The following SCHIP1 variants were observed in gnomAD, a reference collection of about 807,000 sequenced individuals.
SCHIP1 encodes schwannomin-interacting protein 1.
Under a neutral mutation model 29.7 loss-of-function variants are expected in SCHIP1, and 8 were observed. That is an observed-to-expected ratio of 0.27 (90% CI 0.16 to 0.49). SCHIP1 has a LOEUF of 0.49. Among genes scored for constraint, SCHIP1 ranks in the 20% least tolerant of loss-of-function variants. The pLI is 0.99. For synonymous variants in SCHIP1, 76 were observed against 94.9 expected (o/e 0.80, Z 1.16); for missense variants, 193 against 294.6 (o/e 0.66, Z 2.52).
chr3:159,878,151 C>G (rs1716031369), intron 2 of SCHIP1, among the ~76,000 whole-genome samples: 1 of 152,214 alleles, frequency 6.6e-6, no homozygotes, highest in Non-Finnish European at 1.5e-5. Flanking sequence ...TGCTAATCAT[C>G]AACTCGGTCA....
chr3:159,563,345 T>C, the SCHIP1 span, among the ~76,000 whole-genome samples: 1 of 152,184 alleles, frequency 6.6e-6, no homozygotes, highest in African/African-American at 2.4e-5. Flanking sequence ...AGTCATTTTC[T>C]TTTTATATAC....
At chr3:159,598,596 T>C in the SCHIP1 span, among the ~76,000 whole-genome samples, 1 of 152,208 alleles carries the variant, frequency 6.6e-6, no homozygotes, top group African/African-American at 2.4e-5. Context: ...GCTCTGCTTC[T>C]GTGATTTTAG....
chr3:159,434,555 G>T, the SCHIP1 span, among the ~76,000 whole-genome samples: 1 of 152,110 alleles, frequency 6.6e-6, no homozygotes, highest in African/African-American at 2.4e-5. Context: ...GGTTACCAAA[G>T]CTGCAGGCAT....
the SCHIP1 span, among the ~76,000 whole-genome samples, chr3:159,686,709 C>A: frequency 6.6e-6 from 1 of 152,098 alleles, no homozygotes; most frequent in African/African-American, 2.4e-5. Flanking sequence ...GAAATTTTTT[C>A]TATAATTGAA....
the SCHIP1 span, chr3:159,306,656 G>A: frequency 1.7e-6 from 1 of 571,726 alleles, no homozygotes; most frequent in Non-Finnish European, 2.2e-6. Flanking sequence ...TTAAGGATCT[G>A]GTTCAAATTT....
chr3:159,662,449 C>A, the SCHIP1 span, among the ~76,000 whole-genome samples: 2 of 152,238 alleles, frequency 1.3e-5, no homozygotes, highest in African/African-American at 2.4e-5. Context: ...TCCTATGAAC[C>A]ACTCCAAATG....
chr3:159,878,397 G>A (rs1373673596), intron 2 of SCHIP1, among the ~76,000 whole-genome samples: 6 of 151,992 alleles, frequency 3.9e-5, no homozygotes, highest in East Asian at 1.9e-4. Context: ...CAGGAGTATC[G>A]CTTGAACCCA....
At chr3:159,828,368 T>TATACATATATATATAC in the SCHIP1 span, among the ~76,000 whole-genome samples, 1 of 115,678 alleles carries the variant, frequency 8.6e-6, no homozygotes, top group East Asian at 2.5e-4. Context: ...CCTTTATATA[T>TATACATATATATATAC]ATATATACAT....
At chr3:159,295,042 T>A in the SCHIP1 span, among the ~76,000 whole-genome samples, 1 of 152,050 alleles carries the variant, frequency 6.6e-6, no homozygotes, top group Non-Finnish European at 1.5e-5. Context: ...AGAAATGACA[T>A]GTATCCGACA....
chr3:159,809,710 A>G, the SCHIP1 span, among the ~76,000 whole-genome samples: 2 of 151,898 alleles, frequency 1.3e-5, no homozygotes, highest in Non-Finnish European at 2.9e-5. Context: ...TTATTAACAT[A>G]TGATTTATAG....
chr3:159,873,275 C>A lies in SCHIP1; in HGVS notation c.149+6994C>A, dbSNP rs930629366. Among the ~76,000 whole-genome samples, 3 of 152,174 alleles carry A rather than the reference C, an allele frequency of 2.0e-5. No individual in the cohort carries two copies. In the South Asian group the frequency reaches 6.2e-4, roughly 31 times the overall value. ...CTAAGCTTACTTTTTAAGGCAGGGC[C>A]TACTGAGGTGAGTGGGATCTTTGGC... On this transcript the variant is annotated intron_variant, in intron 2 of 6. Coordinates refer to ENST00000445224, the Ensembl canonical transcript of SCHIP1.
chr3:159,535,906 G>C, the SCHIP1 span, among the ~76,000 whole-genome samples: 41 of 152,244 alleles, frequency 2.7e-4, no homozygotes, highest in African/African-American at 9.9e-4. Flanking sequence ...CAGATGACAG[G>C]CTGCATGTGA....
the SCHIP1 span, among the ~76,000 whole-genome samples, chr3:159,730,696 A>G: frequency 6.6e-6 from 1 of 152,216 alleles, no homozygotes; most frequent in Non-Finnish European, 1.5e-5. Flanking sequence ...TATGAAAATT[A>G]CTAGTTGATA....
chr3:159,560,014 C>T, the SCHIP1 span, among the ~76,000 whole-genome samples: 1 of 152,178 alleles, frequency 6.6e-6, no homozygotes, highest in South Asian at 2.1e-4. Context: ...AAATAAAGTA[C>T]ACATTGTCTC....
chr3:159,281,402 C>T, the SCHIP1 span, among the ~76,000 whole-genome samples: 25 of 152,212 alleles, frequency 1.6e-4, no homozygotes, highest in Admixed American at 7.2e-4. Context: ...TCCACATATG[C>T]GCCTAAAACA....
chr3:159,687,926 G>A, the SCHIP1 span, among the ~76,000 whole-genome samples: 1 of 152,164 alleles, frequency 6.6e-6, no homozygotes, highest in East Asian at 1.9e-4. Context: ...CAAAGGACAC[G>A]AACTCATTCT....
chr3:159,644,918 G>A, the SCHIP1 span, among the ~76,000 whole-genome samples: 162 of 152,088 alleles, frequency 1.1e-3, 1 homozygote, highest in South Asian at 9.8e-3. Flanking sequence ...TAACACTCTC[G>A]TTTGAGGGAA....
chr3:159,880,416 C>T (rs1716314827), intron 2 of SCHIP1, among the ~76,000 whole-genome samples: 1 of 152,192 alleles, frequency 6.6e-6, no homozygotes, highest in Admixed American at 6.5e-5. Flanking sequence ...CTAAGTGTTT[C>T]TTGAGGTCCC....
At chr3:159,611,220 T>G in the SCHIP1 span, among the ~76,000 whole-genome samples, 2 of 152,114 alleles carry the variant, frequency 1.3e-5, no homozygotes, top group African/African-American at 4.8e-5. Context: ...TTTAGCACAG[T>G]CAAGTCCGGG....
Sources: allele counts gnomAD v4.1 joint callset (sites outside exome capture counted in the v4.1 genomes callset), GRCh38; gene constraint gnomAD v4.1.1; transcripts MANE v1.5; gene names NCBI Gene and HGNC (gene_info 2026-07-23, HGNC 2026-07-21).